The following NCL variants were observed in gnomAD, a reference collection of about 807,000 sequenced individuals.
NCL encodes nucleolin multifunctional protein.
NCL carries 4 observed loss-of-function variants against 77.7 expected under a neutral mutation model. The observed-to-expected ratio is 0.05, with a 90% CI of 0.03 to 0.12. The LOEUF is 0.12. Among genes scored for constraint, NCL ranks in the 10% least tolerant of loss-of-function variants. The pLI, the probability that NCL is intolerant of heterozygous loss-of-function variation, is 1.00. For synonymous variants in NCL, 344 were observed against 297.8 expected, an observed-to-expected ratio of 1.16 and a Z score of -1.60; for missense variants, 763 against 860.9, an observed-to-expected ratio of 0.89 and a Z score of 1.42.
At position 231,457,158 on chromosome 2, in the gene NCL, G is replaced by GA. The variant is rs748938628; in HGVS notation, c.1448-35dup. On this transcript the variant is annotated intron_variant, in intron 9 of 13. Transcript: ENST00000322723. ...AGAGATGCCACATTCCTAAGACTCT[G>GA]AAACAGTGGTTCCCAGCTTCGGTCA... 19 of 1,612,172 alleles carry GA rather than the reference G, an allele frequency of 1.2e-5. 1 individual carries two copies. In the South Asian group the frequency reaches 2.1e-4, roughly 18 times the overall value.
In NCL at chr2:231,464,397, CAGA is replaced by C. The variant is rs1184232274; in HGVS notation, c.-47_-45del. 2 of 1,591,662 alleles carry C rather than the reference CAGA, an allele frequency of 1.3e-6. No individual in the cohort carries two copies. Among genetic ancestry groups the C allele is most frequent in the Non-Finnish European group, 1.7e-6 (2 of 1,168,114 alleles). On this transcript the variant is annotated 5_prime_UTR_variant, in exon 1 of 14. Transcript: ENST00000322723. ...AGCGGACAAGTGGCGCAGATGAGTC[CAGA>C]AGAAGCCAAGCGACGGCGATGGCGG...
intron 9 of NCL, 109 bp downstream of exon 9, chr2:231,457,534 A>G: frequency 8.8e-7 from 1 of 1,139,030 alleles, no homozygotes. Flanking sequence ...ATCTTCACCT[A>G]CATTTGAGTA....
intron 1 of NCL, chr2:231,463,682 C>T (rs1216787564): frequency 3.4e-5 from 7 of 207,954 alleles, no homozygotes; most frequent in Admixed American, 1.2e-4. Flanking sequence ...ATCATTAAGG[C>T]ACTTAAAAAA....
At chr2:231,456,350 T>A in intron 11 of NCL, 1 of 884,668 alleles carries the variant, frequency 1.1e-6, no homozygotes. Context: ...GCCCCAGATC[T>A]TCTATGGAAA....
Position 231,460,715 on chromosome 2 carries a change from A to T in NCL, c.765T>A (p.Asp255Glu), listed in dbSNP as rs74931394. The T allele has an allele frequency of 3.2e-6, 5 of 1,578,318 alleles. No individual in the cohort carries two copies. The highest frequency in any genetic ancestry group is 1.1e-5 in the South Asian group (1 of 89,388). ...CCTCCTCATCATCTTCATCATCATC[A>T]TCTTCATCATCTTCGTCGTCGTCGT... ...EDDDDDEDDE[D>E]DDDEDDEEEE... Residue 255 changes from aspartate to glutamate, a missense_variant, in exon 4 of 14, where the codon GAT becomes GAA. Asp to Glu is a conservative substitution (Grantham distance 45). This residue lies in a region of NCL where 590 missense variants were observed against 570.5 expected (regional missense o/e 1.03). Coordinates refer to ENST00000322723, the MANE Select transcript of NCL (RefSeq NM_005381.3).
In NCL at chr2:231,461,745, A is replaced by G; in HGVS notation, c.408T>C (p.Asn136=). The G allele has an allele frequency of 6.2e-7, 1 of 1,614,124 alleles. No homozygotes were observed. The highest frequency in any genetic ancestry group is 8.5e-7 in the Non-Finnish European group (1 of 1,180,034). The change falls in exon 3 of 14, where the codon AAT becomes AAC. Residue 136 remains asparagine (N), a synonymous_variant. Transcript: ENST00000322723. ...TGTCTTCCTTCTTGGCATTCTTGCC[A>G]TTCTTTGCCCCCTTGGCTGGGATGG... ...GAAIPAKGAK[N]GKNAKKEDSD...
Position 231,460,524 on chromosome 2 carries a change from C to T in NCL, c.852G>A (p.Met284Ile). ...CTTCAGGAGCTGCTTTCTGTTTGGC[C>T]ATTTCCTTCTTTCGTTTTCCAGGTG... ...KEAPGKRKKE[M>I]AKQKAAPEAK... Residue 284 changes from methionine to isoleucine, a missense_variant, in exon 5 of 14, where the codon ATG becomes ATA. This residue lies in a region of NCL where 590 missense variants were observed against 570.5 expected (regional missense o/e 1.03). Transcript: ENST00000322723. 6.2e-7 allele frequency: 1 copy of T among 1,614,178 alleles called. No homozygotes were observed.
Position 231,461,668 on chromosome 2 carries a change from T to A in NCL, c.485A>T (p.Asp162Val). The A allele has an allele frequency of 6.2e-7, 1 of 1,611,954 alleles. No homozygotes were observed. Among genetic ancestry groups the A allele is most frequent in the Non-Finnish European group, 8.5e-7 (1 of 1,178,026 alleles). ...DSEEDEEDDE[D>V]EDEDEDEIEP... ...AATTTCATCTTCATCCTCATCCTCG[T>A]CCTCGTCATCCTCCTCATCCTCCTC... Residue 162 changes from aspartate to valine, a missense_variant, in exon 3 of 14, where the codon GAC becomes GTC. Physicochemically the swap from Asp to Val is radical, Grantham distance 152. Around this residue, in one of 2 missense-constraint regions of NCL, gnomAD observed 590 missense variants for 570.5 expected, o/e 1.03. Transcript: ENST00000322723.
At position 231,464,442 on chromosome 2, in the gene NCL, T is replaced by C; in HGVS notation, c.-89A>G. On this transcript the variant is annotated 5_prime_UTR_variant, in exon 1 of 14. Transcript: ENST00000322723. ...CGATGGCGGCCGCGGGTGCTGAAGA[T>C]CCCGGAGCACGTACACCCGAAGGCC... The C allele has an allele frequency of 6.6e-7, 1 of 1,518,200 alleles. No homozygotes were observed. The allele number at this position is 1,518,200 out of a possible 1,614,324, so 94.0% of individuals were successfully genotyped here.
chr2:231,460,589 TCA>T (rs1360958202), intron 4 of NCL, 25 bp from the exon 5 acceptor site: 3 of 1,614,088 alleles, frequency 1.9e-6, no homozygotes, highest in Non-Finnish European at 2.5e-6. Context: ...AAACAATGTA[TCA>T]CACATCAGTA....
In NCL at chr2:231,458,773, A is replaced by G. The variant is rs551645409; in HGVS notation, c.1165+228T>C. ...CATCTAATAATTCTTGTTCTGTATA[A>G]AAGTGCTCTTGCTTGCCTAACTCAG... is the stretch of plus-strand genomic sequence containing the variant. On this transcript the variant is annotated intron_variant, in intron 7 of 13. Transcript: ENST00000322723. The G allele has an allele frequency of 1.1e-4, 51 of 466,286 alleles. No homozygotes were observed. The Middle Eastern group carries it at 1.7e-3, about 15-fold the overall frequency. The allele number at this position is 466,286 out of a possible 1,614,324, so 28.9% of individuals were successfully genotyped here. A position where few individuals can be genotyped will look rare whatever the true frequency, so the allele number is the denominator to read the frequency against.
chr2:231,455,747 G>C, intron 12 of NCL, 123 bp from the exon 13 acceptor site: 12 of 1,251,084 alleles, frequency 9.6e-6, no homozygotes, highest in Non-Finnish European at 1.4e-5. Context: ...AAAGATACCA[G>C]TGACAGAGTA....
At chr2:231,458,461 G>A in intron 7 of NCL, 72 bp from the exon 8 acceptor site, 1 of 1,540,134 alleles carries the variant, frequency 6.5e-7, no homozygotes, top group Non-Finnish European at 8.8e-7. Flanking sequence ...CAAAAAGAGG[G>A]GAAAAACACA....
chr2:231,453,686 G>A lies in NCL; in HGVS notation c.*1505C>T, dbSNP rs1383574674. ...GCCACCTTCCTCTCTAGAGCATGAG[G>A]GTCTTGGAACTGGATTGTCACCACC... On this transcript the variant is annotated 3_prime_UTR_variant, in exon 14 of 14. Transcript: ENST00000322723. 2 of 153,342 alleles carry A rather than the reference G, an allele frequency of 1.3e-5. No individual in the cohort carries two copies. The highest frequency in any genetic ancestry group is 2.9e-5 in the Non-Finnish European group (2 of 68,888). 9.5% of individuals were successfully genotyped at this position (153,342 alleles called of 1,614,324 possible). A position where few individuals can be genotyped will look rare whatever the true frequency, so the allele number is the denominator to read the frequency against.
At position 231,461,592 on chromosome 2, in the gene NCL, C is replaced by T; in HGVS notation, c.561G>A (p.Glu187=). Reference sequence around the variant, plus strand: ...CATCATCTTCGTCATCCTCATCGTCCTCATCCTCTGAGGCAGGGGCAGCAG... The same window carrying T: ...CATCATCTTCGTCATCCTCATCGTCTTCATCCTCTGAGGCAGGGGCAGCAG... ...AAAAAPASED[E]DDEDDEDDED... is the part of the protein sequence containing the mutation. Residue 187 remains glutamate (E), a synonymous_variant, in exon 3 of 14, where the codon GAG becomes GAA. Coordinates refer to ENST00000322723, the MANE Select transcript of NCL (RefSeq NM_005381.3). 6.2e-7 allele frequency: 1 copy of T among 1,611,352 alleles called. No individual in the cohort carries two copies. The highest frequency in any genetic ancestry group is 8.5e-7 in the Non-Finnish European group (1 of 1,177,428).
intron 1 of NCL, 68 bp from the exon 2 acceptor site, chr2:231,463,384 T>C (rs2046970423): frequency 3.0e-6 from 3 of 1,015,762 alleles, no homozygotes; most frequent in Non-Finnish European, 4.6e-6. Flanking sequence ...ATTTTGCCAT[T>C]AGTGTTCATA....
chr2:231,456,599 C>G lies in NCL; in HGVS notation c.1705+32G>C, dbSNP rs760235570. ...AAACAAAGCACCGAGAGTGCTACCC[C>G]CAACCACAGCACCCTAACCAGGTGA... On this transcript the variant is annotated intron_variant, in intron 11 of 13. Coordinates refer to ENST00000322723, the MANE Select transcript of NCL (RefSeq NM_005381.3). The G allele has an allele frequency of 9.9e-6, 16 of 1,613,314 alleles. No individual in the cohort carries two copies. The Admixed American group carries it at 2.7e-4, about 27-fold the overall frequency.
In NCL at chr2:231,455,159, C is replaced by CA; in HGVS notation, c.*31dup. 1 of 1,613,364 alleles carries CA rather than the reference C, an allele frequency of 6.2e-7. No individual in the cohort carries two copies. On this transcript the variant is annotated 3_prime_UTR_variant, in exon 14 of 14. Coordinates refer to ENST00000322723, the MANE Select transcript of NCL (RefSeq NM_005381.3). ...GTAAAAACCCCAGAGTCCTTTCTTT[C>CA]AAATGGAAAAGGGAAAGCAGAGGGA... is the stretch of plus-strand genomic sequence containing the variant.
intron 1 of NCL, 92 bp from the exon 2 acceptor site, chr2:231,463,408 G>T: frequency 1.2e-6 from 1 of 827,168 alleles, no homozygotes; most frequent in Non-Finnish European, 2.1e-6. Context: ...CATCATCTCC[G>T]TCCTCAGATC....
Sources: gnomAD v4.1 joint callset for allele counts on GRCh38, gnomAD v4.1.1 for gene constraint, gnomAD v4.1.1 regional missense constraint, MANE v1.5 for transcripts, NCBI Gene and HGNC (gene_info 2026-07-23, HGNC 2026-07-21) for gene names.